The following CLIC5 variants were observed in gnomAD, a reference collection of about 807,000 sequenced individuals.
CLIC5 encodes the protein CLIC family member 5, also known as chloride intracellular channel protein 5.
CLIC5 carries 20 observed loss-of-function variants against 24.7 expected under a neutral mutation model. The observed-to-expected ratio is 0.81, with a 90% CI of 0.57 to 1.18. The LOEUF (loss-of-function observed/expected upper bound fraction) is 1.18. CLIC5 is among the 50% of genes most tolerant of loss of function. The pLI, the probability that CLIC5 is intolerant of heterozygous loss-of-function variation, is 0.00. For missense variants in CLIC5, 341 were observed against 326.1 expected, an observed-to-expected ratio of 1.05 and a Z score of -0.35; for synonymous variants, 159 against 135.6, an observed-to-expected ratio of 1.17 and a Z score of -1.20.
chr6:45,995,993 T>C (rs1766123358), intron 1 of CLIC5, among the ~76,000 whole-genome samples: 1 of 151,668 alleles, frequency 6.6e-6, no homozygotes. Flanking sequence ...AGAGAGAGCA[T>C]TAGGAAAAAT....
At chr6:45,981,909 A>T (rs995289881) in intron 1 of CLIC5, among the ~76,000 whole-genome samples, 1 of 151,990 alleles carries the variant, frequency 6.6e-6, no homozygotes, top group African/African-American at 2.4e-5. Flanking sequence ...GAGGCAGGAG[A>T]ATCTCTTGAA....
At chr6:45,989,588 G>C (rs1765860014) in intron 1 of CLIC5, among the ~76,000 whole-genome samples, 1 of 152,144 alleles carries the variant, frequency 6.6e-6, no homozygotes, top group Non-Finnish European at 1.5e-5. Flanking sequence ...AGGTAATATA[G>C]TTTAATTTGA....
chr6:46,114,135 C>A, the CLIC5 span, among the ~76,000 whole-genome samples: 1 of 152,090 alleles, frequency 6.6e-6, no homozygotes, highest in Non-Finnish European at 1.5e-5. Flanking sequence ...GCCAGCAGCC[C>A]CAAGAGCTCT....
chr6:46,005,796 C>T (rs1766531451), intron 1 of CLIC5, among the ~76,000 whole-genome samples: 2 of 151,576 alleles, frequency 1.3e-5, no homozygotes, highest in Non-Finnish European at 2.9e-5. Flanking sequence ...AATGTGAGAA[C>T]CCAGTGAGAA....
At chr6:46,006,308 C>A (rs1391532854) in intron 1 of CLIC5, among the ~76,000 whole-genome samples, 1 of 151,490 alleles carries the variant, frequency 6.6e-6, no homozygotes, top group Non-Finnish European at 1.5e-5. Context: ...CCATGTCCAG[C>A]TAATTTTTTG....
chr6:45,952,555 A>G (rs921338025), intron 2 of CLIC5, among the ~76,000 whole-genome samples: 1 of 152,260 alleles, frequency 6.6e-6, no homozygotes, highest in African/African-American at 2.4e-5. Context: ...GGCTCTGAAA[A>G]GTTCAAGATT....
intron 1 of CLIC5, among the ~76,000 whole-genome samples, chr6:46,067,899 T>C (rs2127473255): frequency 6.6e-6 from 1 of 152,124 alleles, no homozygotes; most frequent in African/African-American, 2.4e-5. Context: ...GGTTGAAGAG[T>C]GGCCTTAAAA....
chr6:46,049,715 T>A (rs1044111594), intron 1 of CLIC5, among the ~76,000 whole-genome samples: 1 of 152,190 alleles, frequency 6.6e-6, no homozygotes, highest in Non-Finnish European at 1.5e-5. Context: ...CAAAAACAGA[T>A]ATGTCATATA....
rs1763832917 is a variant in CLIC5 at position 45,933,781 on chromosome 6, A to C, written c.406+7766T>G. Reference sequence around the variant, plus strand: ...AGAGAGGGGCAGGGAGGTTGGCGACACACGCCTGAGGCTGCAGGGAGGTCT... The same window carrying C: ...AGAGAGGGGCAGGGAGGTTGGCGACCCACGCCTGAGGCTGCAGGGAGGTCT... On this transcript the variant is annotated intron_variant, in intron 4 of 5. Coordinates refer to ENST00000339561, the MANE Select transcript of CLIC5 (RefSeq NM_016929.5). 2.0e-5 allele frequency among the ~76,000 whole-genome samples: 3 copies of C among 152,208 alleles called. No individual in the cohort carries two copies. The South Asian group carries it at 6.2e-4, about 32-fold the overall frequency.
chr6:46,108,382 G>C, the CLIC5 span, among the ~76,000 whole-genome samples: 1 of 142,798 alleles, frequency 7.0e-6, no homozygotes, highest in African/African-American at 2.5e-5. Flanking sequence ...GTGTGTGTGT[G>C]TGTGTGTGTG....
At chr6:45,959,756 A>T (rs1764787230) in intron 1 of CLIC5, among the ~76,000 whole-genome samples, 1 of 152,230 alleles carries the variant, frequency 6.6e-6, no homozygotes, top group African/African-American at 2.4e-5. Context: ...CAATCATACA[A>T]GTGCTTTTCC....
chr6:46,065,891 G>A (rs976993390), intron 1 of CLIC5, among the ~76,000 whole-genome samples: 1 of 152,090 alleles, frequency 6.6e-6, no homozygotes, highest in African/African-American at 2.4e-5. Context: ...ACTTAAAATT[G>A]TGGACTTTTA....
Position 45,981,218 on chromosome 6 carries a change from C to T in CLIC5, c.64-25974G>A, listed in dbSNP as rs560358241. ...ACCTGAGCTCAAGCAATCCACCCAC[C>T]TCAGCCTCCCAAAGTGTTGGAATTA... On this transcript the variant is annotated intron_variant, in intron 1 of 5. Coordinates refer to ENST00000339561, the MANE Select transcript of CLIC5 (RefSeq NM_016929.5). Among the ~76,000 whole-genome samples the T allele has an allele frequency of 1.1e-4, 16 of 152,240 alleles. No homozygotes were observed. In the South Asian group the frequency reaches 3.1e-3, roughly 30 times the overall value.
intron 1 of CLIC5, among the ~76,000 whole-genome samples, chr6:45,999,732 G>GTTTTTTTTTTTTTTTTTTTTTTTTTTTTT (rs1201850451): frequency 3.9e-5 from 2 of 50,848 alleles, no homozygotes; most frequent in African/African-American, 1.9e-4. Flanking sequence ...CTTCCTTGTG[G>GTTTTTTTTTTTTTTTTTTTTTTTTTTTTT]TTTTTTTTTT....
At chr6:45,883,837 G>A (rs1201382048) in intron 6 of CLIC5, 1 of 152,242 alleles carries the variant, frequency 6.6e-6, no homozygotes, top group Non-Finnish European at 1.5e-5. Context: ...GCCTGAAACA[G>A]AAGCAGAAGG....
upstream of CLIC5, among the ~76,000 whole-genome samples, chr6:46,019,751 T>G (rs1408960204): frequency 6.9e-6 from 1 of 145,510 alleles, no homozygotes; most frequent in Non-Finnish European, 1.5e-5. Context: ...ATTAATAATA[T>G]ATAAACATAT....
chr6:45,922,907 T>C lies in CLIC5; in HGVS notation c.407-8498A>G, dbSNP rs181154711. Among the ~76,000 whole-genome samples, 418 of 150,424 alleles carry C rather than the reference T, an allele frequency of 2.8e-3. 2 individuals are homozygous for C. Among genetic ancestry groups the C allele is most frequent in the African/African-American group, 9.9e-3 (405 of 40,956 alleles). ...GCAGAGCTAGCGAGCTCAGGAGTGA[T>C]CAGGGGAGAAGTTCTGGTTAGGGAA... On this transcript the variant is annotated intron_variant, in intron 4 of 5. Transcript: ENST00000339561.
intron 1 of CLIC5, among the ~76,000 whole-genome samples, chr6:46,044,571 T>C (rs775632534): frequency 1.3e-5 from 2 of 152,200 alleles, no homozygotes; most frequent in Non-Finnish European, 2.9e-5. Context: ...GGAGATTTGG[T>C]GATCTTTTGC....
At chr6:46,091,641 G>C in the CLIC5 span, among the ~76,000 whole-genome samples, 1 of 152,172 alleles carries the variant, frequency 6.6e-6, no homozygotes, top group African/African-American at 2.4e-5. Flanking sequence ...GGGAGGTTGA[G>C]GAGGGAGGAT....
Sources: allele counts gnomAD v4.1 joint callset (sites outside exome capture counted in the v4.1 genomes callset), GRCh38; gene constraint gnomAD v4.1.1; transcripts MANE v1.5; gene names NCBI Gene and HGNC (gene_info 2026-07-23, HGNC 2026-07-21).